The following GPATCH1 variants were observed in gnomAD, a reference collection of about 807,000 sequenced individuals.
GPATCH1 encodes G-patch domain containing 1.
A neutral mutation model predicts 114.9 loss-of-function variants in GPATCH1; 73 were observed. The observed-to-expected ratio is 0.64, with a 90% CI of 0.53 to 0.77. GPATCH1 has a LOEUF of 0.77. Among genes scored for constraint, GPATCH1 ranks in the 30% least tolerant of loss-of-function variants. GPATCH1 has a pLI of 0.00. For synonymous variants in GPATCH1, 391 were observed against 428.4 expected (o/e 0.91, Z 1.08); for missense variants, 1,058 against 1,144.3 (o/e 0.92, Z 1.09).
chr19:33,082,345 A>G (rs1197274205), intron 1 of GPATCH1, among the ~76,000 whole-genome samples: 1 of 152,130 alleles, frequency 6.6e-6, no homozygotes, highest in Non-Finnish European at 1.5e-5. Context: ...AAGGCAGAGG[A>G]AGAATGGTGG....
intron 19 of GPATCH1, among the ~76,000 whole-genome samples, chr19:33,128,454 GT>G (rs1181863168): frequency 6.6e-6 from 1 of 152,144 alleles, no homozygotes; most frequent in Non-Finnish European, 1.5e-5. Flanking sequence ...TAGAGACGGG[GT>G]TTCACCGTGT....
At chr19:33,122,742 A>C (rs191921164) in intron 17 of GPATCH1, among the ~76,000 whole-genome samples, 1 of 152,100 alleles carries the variant, frequency 6.6e-6, no homozygotes, top group Admixed American at 6.6e-5. Context: ...TTATTTAGGG[A>C]AATGATTTTT....
intron 18 of GPATCH1, 93 bp from the exon 19 acceptor site, chr19:33,126,488 TGAATGAC>T: frequency 1.3e-6 from 2 of 1,544,546 alleles, no homozygotes; most frequent in South Asian, 1.2e-5. Context: ...AACATTTTTT[TGAATGAC>T]TCCATCACTG....
intron 14 of GPATCH1, 152 bp downstream of exon 14, chr19:33,114,055 C>G: frequency 1.1e-6 from 1 of 876,448 alleles, no homozygotes; most frequent in Non-Finnish European, 1.8e-6. Flanking sequence ...TAACTTAGCT[C>G]ATGTTGTAAT....
intron 1 of GPATCH1, among the ~76,000 whole-genome samples, chr19:33,082,214 G>T (rs747976699): frequency 2.0e-4 from 31 of 152,220 alleles, no homozygotes; most frequent in South Asian, 4.1e-4. Context: ...GGGGTGAGGG[G>T]CAAGATGAAT....
chr19:33,114,484 C>A (rs1972895126), intron 15 of GPATCH1, 65 bp downstream of exon 15: 2 of 1,281,376 alleles, frequency 1.6e-6, no homozygotes, highest in East Asian at 2.4e-5. Flanking sequence ...TCTTTGGTGA[C>A]ACTTTCTCCT....
At chr19:33,095,299 T>C (rs564141235) in intron 5 of GPATCH1, among the ~76,000 whole-genome samples, 1 of 149,882 alleles carries the variant, frequency 6.7e-6, no homozygotes, top group Admixed American at 6.7e-5. Flanking sequence ...GTTTCGCTCT[T>C]GTTGCCCAGG....
In GPATCH1 at chr19:33,109,982, C is replaced by T. The variant is rs919669777; in HGVS notation, c.1551C>T (p.Asp517=). 53 of 1,613,514 alleles carry T rather than the reference C, an allele frequency of 3.3e-5. No homozygotes were observed. Among genetic ancestry groups the T allele is most frequent in the African/African-American group, 5.3e-5 (4 of 75,050 alleles). The change falls in exon 11 of 20, where the codon GAC becomes GAT. Residue 517 remains aspartate (D), a synonymous_variant. Coordinates refer to ENST00000170564, the MANE Select transcript of GPATCH1 (RefSeq NM_018025.3). Reference sequence around the variant, plus strand: ...ATCCGGAAAAGCAAAAGCGATACGACGAGTTCTTAGTACACATGAAACAGG... The same window carrying T: ...ATCCGGAAAAGCAAAAGCGATACGATGAGTTCTTAGTACACATGAAACAGG... ...AKDPEKQKRY[D]EFLVHMKQGQ...
At chr19:33,114,520 A>G (rs1253781412) in intron 15 of GPATCH1, 101 bp downstream of exon 15, 3 of 915,716 alleles carry the variant, frequency 3.3e-6, no homozygotes, top group Admixed American at 5.3e-5. Flanking sequence ...GAGGCAGCCA[A>G]CTATTGATCC....
chr19:33,083,623 T>TACTA, intron 1 of GPATCH1, among the ~76,000 whole-genome samples: 1 of 151,820 alleles, frequency 6.6e-6, no homozygotes, highest in Non-Finnish European at 1.5e-5. Context: ...TTGAAGTCCT[T>TACTA]AGGTCAAGCA....
intron 10 of GPATCH1, 128 bp downstream of exon 10, chr19:33,107,027 C>T (rs1307112510): frequency 4.5e-6 from 3 of 663,092 alleles, no homozygotes; most frequent in African/African-American, 1.8e-5. Flanking sequence ...GGAAATACCA[C>T]TATTTATTGT....
Position 33,118,020 on chromosome 19 carries a change from G to C in GPATCH1, c.2392G>C (p.Glu798Gln), listed in dbSNP as rs760787927. ...AAGCTCCCAAGACACTGACTTGGGG[G>C]AAACATCATCTGTGGCTCACGGTAT... ...FQSSQDTDLG[E>Q]TSSVAHALVP... is the part of the protein sequence containing the mutation. Residue 798 changes from glutamate to glutamine, a missense_variant, in exon 16 of 20, where the codon GAA becomes CAA. Around this residue, in one of 3 missense-constraint regions of GPATCH1, gnomAD observed 893 missense variants for 977.4 expected, o/e 0.91. Transcript: ENST00000170564. The C allele has an allele frequency of 6.8e-6, 11 of 1,613,316 alleles. No homozygotes were observed.
At chr19:33,124,421 T>G (rs1973017804) in intron 17 of GPATCH1, among the ~76,000 whole-genome samples, 1 of 150,316 alleles carries the variant, frequency 6.7e-6, no homozygotes. Flanking sequence ...AGGATCCTCC[T>G]GCCTGGGCCT....
At chr19:33,096,691 C>G (rs777751900) in intron 7 of GPATCH1, among the ~76,000 whole-genome samples, 1 of 151,762 alleles carries the variant, frequency 6.6e-6, no homozygotes, top group Non-Finnish European at 1.5e-5. Context: ...TGCAGTGGTG[C>G]GATCTTGGCT....
intron 3 of GPATCH1, 81 bp downstream of exon 3, chr19:33,090,946 G>C: frequency 1.2e-6 from 1 of 811,038 alleles, no homozygotes. Context: ...TCTCTCCCCA[G>C]AAGGTCCAAT....
chr19:33,114,440 C>T, intron 15 of GPATCH1, 21 bp downstream of exon 15: 2 of 1,563,610 alleles, frequency 1.3e-6, no homozygotes, highest in Non-Finnish European at 1.7e-6. Flanking sequence ...CTTCCAGATT[C>T]TCTTTGCCAC....
At position 33,095,808 on chromosome 19, in the gene GPATCH1, G is replaced by A. The variant is rs201235380; in HGVS notation, c.600G>A (p.Ser200=). The A allele has an allele frequency of 2.8e-5, 45 of 1,608,688 alleles. No homozygotes were observed. The highest frequency in any genetic ancestry group is 2.0e-4 in the East Asian group (9 of 44,852). ...IYGCALPPGS[S]EGSEGEDDDY... ...GCTGTGCATTACCCCCTGGAAGCTC[G>A]GAAGGATCTGAGGTATTGCATGGTG... The change falls in exon 6 of 20, where the codon TCG becomes TCA. Residue 200 remains serine (S), a synonymous_variant. Coordinates refer to ENST00000170564, the MANE Select transcript of GPATCH1 (RefSeq NM_018025.3).
At position 33,119,122 on chromosome 19, in the gene GPATCH1, G is replaced by A; in HGVS notation, c.2521+5G>A. The A allele has an allele frequency of 1.9e-6, 3 of 1,547,440 alleles. No homozygotes were observed. The highest frequency in any genetic ancestry group is 2.7e-6 in the Non-Finnish European group (3 of 1,126,478). On this transcript the variant is annotated splice_donor_5th_base_variant and intron_variant, in intron 17 of 19. Coordinates refer to ENST00000170564, the MANE Select transcript of GPATCH1 (RefSeq NM_018025.3). ...TGCCTCCCGTCTTCTGCCCCAGTGA[G>A]TGCAGAGCCCTTTGGTTCGCCCATT...
At chr19:33,127,108 C>T (rs1399801235) in intron 19 of GPATCH1, among the ~76,000 whole-genome samples, 1 of 151,062 alleles carries the variant, frequency 6.6e-6, no homozygotes, top group Non-Finnish European at 1.5e-5. Flanking sequence ...ACACTCCAGC[C>T]TGGGTGATAG....
Sources: allele counts gnomAD v4.1 joint callset (sites outside exome capture counted in the v4.1 genomes callset), GRCh38; gene constraint gnomAD v4.1.1; regional missense constraint gnomAD v4.1.1; transcripts MANE v1.5; gene names NCBI Gene and HGNC (gene_info 2026-07-23, HGNC 2026-07-21).